The following CCDC93 variants were observed in gnomAD, a reference collection of about 807,000 sequenced individuals.
CCDC93 encodes the protein coiled-coil domain-containing protein 93.
In CCDC93, 61 loss-of-function variants were observed where a neutral mutation model predicts 108.2. The ratio of observed to expected loss-of-function variants is 0.56; its 90% CI spans 0.46 to 0.70. CCDC93 has a LOEUF of 0.70. Among genes scored for constraint, CCDC93 ranks in the 30% least tolerant of loss-of-function variants. The pLI is 0.00. For synonymous variants in CCDC93, 276 were observed against 260.4 expected (o/e 1.06, Z -0.58); for missense variants, 685 against 764.2 (o/e 0.90, Z 1.22).
At position 117,983,260 on chromosome 2, in the gene CCDC93, C is replaced by T. The variant is rs898016062; in HGVS notation, c.620+2709G>A. Among the ~76,000 whole-genome samples, 12 of 152,164 alleles carry T rather than the reference C, an allele frequency of 7.9e-5. 1 individual carries two copies. ...CATCATTTACTACCCCTCCAATTGGCGTATTTCCCTATCTGCCTTCCCCTG... is the reference window on the plus strand; with the variant it reads ...CATCATTTACTACCCCTCCAATTGGTGTATTTCCCTATCTGCCTTCCCCTG... On this transcript the variant is annotated intron_variant, in intron 7 of 23. Transcript: ENST00000376300.
chr2:117,980,371 C>T (rs1227319885), intron 7 of CCDC93, among the ~76,000 whole-genome samples: 2 of 152,174 alleles, frequency 1.3e-5, no homozygotes, highest in Admixed American at 6.5e-5. Flanking sequence ...CTTTTTTATG[C>T]CTTTAGTCTG....
chr2:118,000,919 T>C lies in CCDC93; in HGVS notation c.265A>G (p.Lys89Glu). ...TIGQKIALSE[K>E]IVSVLPRMKC... is the part of the protein sequence containing the mutation. The stretch of plus-strand genomic sequence containing the variant: ...ATCCTTGGCAGGACCGAGACAATTT[T>C]TTCTGACAGAGCTCTGTTCAGAAAA... The change falls in exon 4 of 24, where the codon AAA (lysine) becomes GAA (glutamate). Residue 89 changes from lysine (K) to glutamate (E), a missense_variant. Physicochemically the swap from Lys to Glu is moderately conservative, Grantham distance 56. Coordinates refer to ENST00000376300, the MANE Select transcript of CCDC93 (RefSeq NM_019044.5). 1 of 1,611,802 alleles carries C rather than the reference T, an allele frequency of 6.2e-7. No homozygotes were observed. Among genetic ancestry groups the C allele is most frequent in the Non-Finnish European group, 8.5e-7 (1 of 1,177,952 alleles).
chr2:117,960,406 G>C lies in CCDC93; in HGVS notation c.889-1925C>G, dbSNP rs187943856. Among the ~76,000 whole-genome samples the C allele has an allele frequency of 2.0e-5, 3 of 152,326 alleles. No homozygotes were observed. The East Asian group carries it at 5.8e-4, about 29-fold the overall frequency. On this transcript the variant is annotated intron_variant, in intron 11 of 23. Transcript: ENST00000376300. ...TCCAGACTTCCTCCAGTGTGTGGGG[G>C]CTGAGTAAACTCATTCAATTCTGTT...
chr2:117,994,815 GGAGA>G (rs959061808), intron 6 of CCDC93, among the ~76,000 whole-genome samples: 1 of 152,220 alleles, frequency 6.6e-6, no homozygotes, highest in African/African-American at 2.4e-5. Flanking sequence ...ATTATTTTCA[GGAGA>G]GAGAGACTGT....
chr2:117,925,631 A>G (rs1308551183), intron 23 of CCDC93, among the ~76,000 whole-genome samples: 1 of 152,216 alleles, frequency 6.6e-6, no homozygotes, highest in Non-Finnish European at 1.5e-5. Context: ...GCAAGTCCTT[A>G]GAGACCTACA....
intron 6 of CCDC93, 170 bp downstream of exon 6, chr2:117,995,276 C>G (rs1428408766): frequency 1.5e-6 from 1 of 650,418 alleles, no homozygotes. Context: ...TACTGGTGTC[C>G]TGGCCCTGAG....
Position 118,008,578 on chromosome 2 carries a change from C to T in CCDC93, c.123G>A (p.Arg41=), listed in dbSNP as rs768233210. The change falls in exon 2 of 24, where the codon AGG becomes AGA. Residue 41 remains arginine (R), a synonymous_variant. Coordinates refer to ENST00000376300, the MANE Select transcript of CCDC93 (RefSeq NM_019044.5). The stretch of plus-strand genomic sequence containing the variant: ...AGGGTGATAAGCCTTTAATTCTTGC[C>T]CTGAAATACCCAGCTGCAACCAAGA... ...LELLVAAGYF[R]ARIKGLSPFD... The T allele has an allele frequency of 2.5e-6, 4 of 1,612,482 alleles. No homozygotes were observed. In the South Asian group the frequency reaches 4.4e-5, roughly 18 times the overall value.
chr2:117,944,031 A>G lies in CCDC93; in HGVS notation c.1406T>C (p.Leu469Ser), dbSNP rs1364450989. 4 of 1,603,644 alleles carry G rather than the reference A, an allele frequency of 2.5e-6. No homozygotes were observed. Among genetic ancestry groups the G allele is most frequent in the Non-Finnish European group, 3.4e-6 (4 of 1,175,482 alleles). ...MEKEKLYKIR[L>S]LQARRNREIA... The stretch of plus-strand genomic sequence containing the variant: ...TGTCCTTCTTTTACTCACCTGTAGT[A>G]AACGTATCTTGTAAAGTTTCTCTTT... The change falls in exon 18 of 24, where the codon TTA becomes TCA. Residue 469 changes from leucine (L) to serine (S), a missense_variant. Coordinates refer to ENST00000376300, the MANE Select transcript of CCDC93 (RefSeq NM_019044.5).
intron 11 of CCDC93, among the ~76,000 whole-genome samples, chr2:117,969,650 A>G (rs1679697249): frequency 1.3e-5 from 2 of 152,256 alleles, no homozygotes; most frequent in Non-Finnish European, 2.9e-5. Flanking sequence ...GTTGCAAAAC[A>G]TAAACAATTT....
Position 117,920,276 on chromosome 2 carries a change from T to G in CCDC93, c.*67A>C. 2 of 1,055,516 alleles carry G rather than the reference T, an allele frequency of 1.9e-6. No individual in the cohort carries two copies. The highest frequency in any genetic ancestry group is 2.9e-6 in the Non-Finnish European group (2 of 689,768). 65.4% of individuals were successfully genotyped at this position (1,055,516 alleles called of 1,614,324 possible). On this transcript the variant is annotated 3_prime_UTR_variant, in exon 24 of 24. Transcript: ENST00000376300. ...TACTGTCGCTTTCAGAACCATTTCA[T>G]GATCTTGTAGGTGATATACGGTGCT...
At chr2:117,950,549 C>T in intron 13 of CCDC93, 6 of 985,434 alleles carry the variant, frequency 6.1e-6, no homozygotes, top group Non-Finnish European at 7.2e-6. Flanking sequence ...CAAGTCCTCT[C>T]TGCTTTTCAG....
Position 117,942,494 on chromosome 2 carries a change from C to T in CCDC93, c.1414-1197G>A, listed in dbSNP as rs568317409. ...TGAACTGCTTTTGCCAAAGTCACTG[C>T]ACACCTTCTCAGGGACACATCTAAT... On this transcript the variant is annotated intron_variant, in intron 18 of 23. Transcript: ENST00000376300. 2.6e-5 allele frequency among the ~76,000 whole-genome samples: 4 copies of T among 152,328 alleles called. No homozygotes were observed. The South Asian group carries it at 8.3e-4, about 32-fold the overall frequency.
Position 117,942,663 on chromosome 2 carries a change from G to C in CCDC93, c.1413+1361C>G, listed in dbSNP as rs116818823. On this transcript the variant is annotated intron_variant, in intron 18 of 23. Transcript: ENST00000376300. ...GTGCATCTTCACTGGGAGATCCCTT[G>C]TTTTGCTCTGCCTATCCTCACATGT... Among the ~76,000 whole-genome samples, 848 of 152,268 alleles carry C rather than the reference G, an allele frequency of 5.6e-3. 8 individuals are homozygous for C. The highest frequency in any genetic ancestry group is 0.019 in the African/African-American group (810 of 41,540).
chr2:117,941,996 T>C (rs1404186110), intron 18 of CCDC93, among the ~76,000 whole-genome samples: 1 of 152,218 alleles, frequency 6.6e-6, no homozygotes, highest in Non-Finnish European at 1.5e-5. Flanking sequence ...CCTCCCACTC[T>C]CCTGCCTGCT....
chr2:118,010,761 T>G (rs1302097647), intron 1 of CCDC93, among the ~76,000 whole-genome samples: 1 of 152,170 alleles, frequency 6.6e-6, no homozygotes, highest in Non-Finnish European at 1.5e-5. Flanking sequence ...AAACTATCTT[T>G]TCAGGTTCAT....
At chr2:117,936,887 A>C (rs1573469815) in intron 20 of CCDC93, 148 bp from the exon 21 acceptor site, 1 of 668,664 alleles carries the variant, frequency 1.5e-6, no homozygotes, top group Non-Finnish European at 2.7e-6. Flanking sequence ...CATATGAAAA[A>C]AAAATTAGCC....
intron 17 of CCDC93, chr2:117,944,655 G>GA: frequency 2.2e-6 from 1 of 460,848 alleles, no homozygotes; most frequent in Non-Finnish European, 4.5e-6. Flanking sequence ...TCGCCTCAGA[G>GA]AAAGTTACAA....
chr2:117,936,020 TTTTG>T (rs1678510649), intron 21 of CCDC93, among the ~76,000 whole-genome samples: 1 of 151,864 alleles, frequency 6.6e-6, no homozygotes, highest in South Asian at 2.1e-4. Flanking sequence ...AGCTGTGGTT[TTTTG>T]TTTTTTTTTT....
Position 117,942,681 on chromosome 2 carries a change from T to C in CCDC93, c.1413+1343A>G, listed in dbSNP as rs79352233. On this transcript the variant is annotated intron_variant, in intron 18 of 23. Transcript: ENST00000376300. The stretch of plus-strand genomic sequence containing the variant: ...ATCCCTTGTTTTGCTCTGCCTATCC[T>C]CACATGTGCTCACCAGGGTGTAGTC... Among the ~76,000 whole-genome samples the C allele has an allele frequency of 3.7e-4, 57 of 152,296 alleles. 2 individuals carry two copies. In the East Asian group the frequency reaches 0.011, roughly 29 times the overall value.
Sources: gnomAD v4.1 joint callset for allele counts (sites outside exome capture counted in the v4.1 genomes callset) on GRCh38, gnomAD v4.1.1 for gene constraint, MANE v1.5 for transcripts, NCBI Gene and HGNC (gene_info 2026-07-23, HGNC 2026-07-21) for gene names.